The following CTNNB1 variants were observed in gnomAD, a reference collection of about 807,000 sequenced individuals.
The protein encoded by CTNNB1 is catenin beta-1.
Under a neutral mutation model 82.5 loss-of-function variants are expected in CTNNB1, and 6 were observed. The observed-to-expected ratio is 0.07, with a 90% CI of 0.04 to 0.14. The LOEUF (loss-of-function observed/expected upper bound fraction) is 0.14. Ranked by LOEUF, CTNNB1 falls within the 10% of genes least tolerant of loss-of-function variation. The pLI is 1.00. For missense variants in CTNNB1, 529 were observed against 980.4 expected (o/e 0.54, Z 6.15); for synonymous variants, 312 against 329.7 (o/e 0.95, Z 0.58).
chr3:41,235,120 A>T (rs1343929556), intron 10 of CTNNB1: 1 of 153,722 alleles, frequency 6.5e-6, no homozygotes, highest in African/African-American at 2.4e-5. Flanking sequence ...CAAGTTATTT[A>T]TAAAAGCTGC....
In CTNNB1 at chr3:41,233,464, G is replaced by A. The variant is rs776107073; in HGVS notation, c.1185+20G>A. 3 of 1,613,676 alleles carry A rather than the reference G, an allele frequency of 1.9e-6. No individual in the cohort carries two copies. Among genetic ancestry groups the A allele is most frequent in the African/African-American group, 1.3e-5 (1 of 75,016 alleles). Reference sequence around the variant, plus strand: ...AAACAGGTAAATTCTGAGTAAACTGGTGCCATGGGAATAGAGTCAAGATGA... The same window carrying A: ...AAACAGGTAAATTCTGAGTAAACTGATGCCATGGGAATAGAGTCAAGATGA... On this transcript the variant is annotated intron_variant, in intron 8 of 14. Coordinates refer to ENST00000349496, the MANE Select transcript of CTNNB1 (RefSeq NM_001904.4).
intron 10 of CTNNB1, 137 bp downstream of exon 10, chr3:41,234,434 TAATTACACA>T (rs2078384963): frequency 1.2e-6 from 1 of 853,842 alleles, no homozygotes; most frequent in African/African-American, 1.7e-5. Flanking sequence ...AATAAATAAA[TAATTACACA>T]TTTCTATGGC....
chr3:41,209,798 A>G (rs1181504238), intron 1 of CTNNB1, among the ~76,000 whole-genome samples: 2 of 152,226 alleles, frequency 1.3e-5, no homozygotes, highest in African/African-American at 4.8e-5. Flanking sequence ...ACAACTGTAT[A>G]AGGCAGTTGT....
chr3:41,234,103 T>C, intron 9 of CTNNB1, 36 bp from the exon 10 acceptor site: 2 of 1,613,914 alleles, frequency 1.2e-6, no homozygotes, highest in Non-Finnish European at 1.7e-6. Flanking sequence ...AATGATTTTG[T>C]TGAGTTGTAT....
At chr3:41,211,761 T>A (rs953153542) in intron 1 of CTNNB1, among the ~76,000 whole-genome samples, 2 of 152,212 alleles carry the variant, frequency 1.3e-5, no homozygotes, top group African/African-American at 2.4e-5. Context: ...ATTTTCTTGA[T>A]CCAGTCTACC....
intron 1 of CTNNB1, among the ~76,000 whole-genome samples, chr3:41,206,634 CCTCT>C (rs779611157): frequency 4.0e-5 from 6 of 151,820 alleles, no homozygotes; most frequent in Non-Finnish European, 7.4e-5. Flanking sequence ...AACTGTACTC[CCTCT>C]CTCTCTTTTT....
rs1350636200 is a variant in CTNNB1, at chr3:41,240,036, CGTA to C, written c.*697_*699del. The C allele has an allele frequency of 3.1e-5, 3 of 96,320 alleles. No homozygotes were observed. Among genetic ancestry groups the C allele is most frequent in the African/African-American group, 4.6e-5 (1 of 21,570 alleles). The allele number at this position is 96,320 out of a possible 1,614,324, so 6.0% of individuals were successfully genotyped here. A position where few individuals can be genotyped will look rare whatever the true frequency, so the allele number is the denominator to read the frequency against. ...TGCAGTAACTGTTTTTTAAGTCTCT[CGTA>C]GTGTTAAGTTATAGTGAATACTGCT... On this transcript the variant is annotated 3_prime_UTR_variant, in exon 15 of 15. Transcript: ENST00000349496.
Position 41,238,057 on chromosome 3 carries a change from C to G in CTNNB1, c.2118C>G (p.Pro706=). Residue 706 remains proline, a synonymous_variant, in exon 14 of 15, where the codon CCC becomes CCG. Transcript: ENST00000349496. ...TTGATATTGGTGCCCAGGGAGAACC[C>G]CTTGGATATCGCCAGGATGGTATGT... ...LGLDIGAQGE[P]LGYRQDDPSY... is the part of the protein sequence containing the mutation. The G allele has an allele frequency of 6.2e-7, 1 of 1,613,776 alleles. No individual in the cohort carries two copies.
chr3:41,215,213 TAAAA>T (rs10576683), intron 1 of CTNNB1, among the ~76,000 whole-genome samples: 12 of 76,160 alleles, frequency 1.6e-4, no homozygotes, highest in Admixed American at 4.8e-4. Context: ...CTGTCTCCAT[TAAAA>T]AAAAAAAAAA....
At chr3:41,211,500 T>C (rs2077784910) in intron 1 of CTNNB1, among the ~76,000 whole-genome samples, 2 of 152,180 alleles carry the variant, frequency 1.3e-5, no homozygotes, top group African/African-American at 4.8e-5. Flanking sequence ...GTAGTGAGCA[T>C]AGTACTCAAT....
chr3:41,215,062 T>C (rs2077882222), intron 1 of CTNNB1, among the ~76,000 whole-genome samples: 1 of 152,062 alleles, frequency 6.6e-6, no homozygotes, highest in Non-Finnish European at 1.5e-5. Flanking sequence ...TTCGTGGTTC[T>C]GAAGGCATTT....
At chr3:41,205,500 G>C (rs561162610) in intron 1 of CTNNB1, among the ~76,000 whole-genome samples, 3 of 152,138 alleles carry the variant, frequency 2.0e-5, no homozygotes, top group African/African-American at 7.2e-5. Context: ...TTCGAGACTA[G>C]CCTGGCCGAC....
At chr3:41,211,209 A>G (rs1328029824) in intron 1 of CTNNB1, among the ~76,000 whole-genome samples, 3 of 152,226 alleles carry the variant, frequency 2.0e-5, no homozygotes, top group Non-Finnish European at 1.5e-5. Flanking sequence ...TGGCTACAAC[A>G]TCACTAGGTG....
At chr3:41,227,079 G>C in intron 6 of CTNNB1, 129 bp from the exon 7 acceptor site, 1 of 781,046 alleles carries the variant, frequency 1.3e-6, no homozygotes. Context: ...TGGGGTCCAG[G>C]AATACATTTA....
In CTNNB1 at chr3:41,225,425, C is replaced by T. The variant is rs2125622711; in HGVS notation, c.587C>T (p.Ser196Phe). 1 of 1,613,944 alleles carries T rather than the reference C, an allele frequency of 6.2e-7. No individual in the cohort carries two copies. Among genetic ancestry groups the T allele is most frequent in the Non-Finnish European group, 8.5e-7 (1 of 1,179,972 alleles). ...HAIMRSPQMV[S>F]AIVRTMQNTN... ...ATCATGCGTTCTCCTCAGATGGTGTCTGCTATTGTACGTACCATGCAGAAT... is the reference window on the plus strand; with the variant it reads ...ATCATGCGTTCTCCTCAGATGGTGTTTGCTATTGTACGTACCATGCAGAAT... Residue 196 changes from serine (S) to phenylalanine (F), a missense_variant, in exon 5 of 15, where the codon TCT (serine) becomes TTT (phenylalanine). Transcript: ENST00000349496. This position sits in a 1 kb window ranked among gnomAD's most constrained non-coding sequence, Gnocchi z 5.3.
chr3:41,233,003 G>C (rs940245936), intron 7 of CTNNB1, among the ~76,000 whole-genome samples: 1 of 152,174 alleles, frequency 6.6e-6, no homozygotes, highest in East Asian at 1.9e-4. Context: ...GCTCAGAACA[G>C]GACCTGGTAC....
At chr3:41,238,130 T>G in intron 14 of CTNNB1, 54 bp downstream of exon 14, 3 of 1,529,060 alleles carry the variant, frequency 2.0e-6, no homozygotes, top group Non-Finnish European at 2.7e-6. Flanking sequence ...GTTCTAAAAC[T>G]TTTATCAGAA....
chr3:41,231,056 G>A (rs2078295549), intron 7 of CTNNB1, among the ~76,000 whole-genome samples: 2 of 152,306 alleles, frequency 1.3e-5, no homozygotes, highest in East Asian at 1.9e-4. Context: ...GGTCAGGCAC[G>A]GTGGCTCACG....
chr3:41,225,618 A>T lies in CTNNB1; in HGVS notation c.735-42A>T, dbSNP rs2125623820. The T allele has an allele frequency of 1.2e-6, 2 of 1,613,782 alleles. No individual in the cohort carries two copies. The highest frequency in any genetic ancestry group is 1.7e-6 in the Non-Finnish European group (2 of 1,179,650). On this transcript the variant is annotated intron_variant, in intron 5 of 14. Coordinates refer to ENST00000349496, the MANE Select transcript of CTNNB1 (RefSeq NM_001904.4). This position sits in a 1 kb window ranked among gnomAD's most constrained non-coding sequence, Gnocchi z 5.3. ...GCTTGAAGCTAAAAAGTAGAAGAGT[A>T]TACTCACAATATTTCTGATGAGGCT...
Sources: gnomAD v4.1 joint callset for allele counts (sites outside exome capture counted in the v4.1 genomes callset) on GRCh38, gnomAD v4.1.1 for gene constraint, Gnocchi (gnomAD v3.1) non-coding constraint, MANE v1.5 for transcripts, NCBI Gene and HGNC (gene_info 2026-07-23, HGNC 2026-07-21) for gene names.